WDPCP: variants seen among roughly 807,000 people sequenced by gnomAD.
The protein encoded by WDPCP is WD repeat containing planar cell polarity effector.
A neutral mutation model predicts 93.1 loss-of-function variants in WDPCP; 71 were observed. That is an observed-to-expected ratio of 0.76 (90% confidence interval 0.63 to 0.93). The LOEUF is 0.93. Among genes scored for constraint, WDPCP ranks in the 40% least tolerant of loss-of-function variants. WDPCP has a pLI of 0.00. For synonymous variants in WDPCP, 315 were observed against 315.0 expected (o/e 1.00, Z 0.00); for missense variants, 844 against 887.4 (o/e 0.95, Z 0.62).
chr2:63,212,836 A>C (rs947835685), intron 14 of WDPCP, among the ~76,000 whole-genome samples: 9 of 152,184 alleles, frequency 5.9e-5, no homozygotes, highest in Non-Finnish European at 1.2e-4. Context: ...GTCTCTGATA[A>C]AACAGACTTT....
At chr2:63,637,765 T>TA (rs1269152796) in intron 3 of WDPCP, among the ~76,000 whole-genome samples, 1 of 152,086 alleles carries the variant, frequency 6.6e-6, no homozygotes, top group Admixed American at 6.6e-5. Flanking sequence ...ATGTCTCTAA[T>TA]AAAAAATATC....
chr2:63,511,821 T>C (rs1702253858), intron 1 of WDPCP, among the ~76,000 whole-genome samples: 1 of 152,156 alleles, frequency 6.6e-6, no homozygotes, highest in Admixed American at 6.5e-5. Flanking sequence ...GCAATACCAT[T>C]CAGGACATAG....
At chr2:63,122,183 C>T in intron 17 of WDPCP, 127 bp from the exon 18 acceptor site, 1 of 742,714 alleles carries the variant, frequency 1.3e-6, no homozygotes, top group Non-Finnish European at 2.2e-6. Context: ...AAATGTACTG[C>T]ACATAGATAC....
intron 13 of WDPCP, among the ~76,000 whole-genome samples, chr2:63,267,840 G>C (rs1682270841): frequency 6.6e-6 from 1 of 152,148 alleles, no homozygotes; most frequent in South Asian, 2.1e-4. Context: ...TGTTGGTGAG[G>C]ATATGAGGAG....
intron 14 of WDPCP, among the ~76,000 whole-genome samples, chr2:63,231,589 A>G (rs1303746638): frequency 6.6e-6 from 1 of 152,144 alleles, no homozygotes; most frequent in Non-Finnish European, 1.5e-5. Context: ...AATTGCTTCA[A>G]AGAGAATAAA....
the WDPCP span, among the ~76,000 whole-genome samples, chr2:63,833,705 T>C: frequency 6.6e-6 from 1 of 152,224 alleles, no homozygotes; most frequent in Non-Finnish European, 1.5e-5. Context: ...TGTTATCACT[T>C]GGGTTCACTG....
chr2:63,487,350 A>G (rs913728171), intron 3 of WDPCP, 97 bp downstream of exon 3: 4 of 868,614 alleles, frequency 4.6e-6, no homozygotes, highest in Non-Finnish European at 7.2e-6. Flanking sequence ...TCTAGAATTT[A>G]TCTAAAGCTC....
intron 15 of WDPCP, among the ~76,000 whole-genome samples, chr2:63,162,047 GGC>G (rs1193739165): frequency 6.6e-6 from 1 of 152,142 alleles, no homozygotes; most frequent in Non-Finnish European, 1.5e-5. Context: ...TGGGATTACT[GGC>G]GTGAGCTACT....
chr2:63,559,033 A>G (rs1575647176), intron 1 of WDPCP, among the ~76,000 whole-genome samples: 2 of 152,330 alleles, frequency 1.3e-5, no homozygotes, highest in East Asian at 1.9e-4. Context: ...AAAATCCTCA[A>G]TAAAATACTG....
chr2:63,588,354 G>C lies in WDPCP; in HGVS notation c.-83C>G. ...AGCGACACGCTCGCTTGGTCTCTTG[G>C]GTCTCCAGGACGCCGCCGCCGCCGC... On this transcript the variant is annotated 5_prime_UTR_variant, in exon 1 of 18. Transcript: ENST00000272321. 6.7e-7 allele frequency: 1 copy of C among 1,501,984 alleles called. No homozygotes were observed. Among genetic ancestry groups the C allele is most frequent in the Non-Finnish European group, 9.1e-7 (1 of 1,102,442 alleles). The allele number at this position is 1,501,984 out of a possible 1,614,324, so 93.0% of individuals were successfully genotyped here.
intron 14 of WDPCP, among the ~76,000 whole-genome samples, chr2:63,190,997 C>T (rs567234415): frequency 2.1e-4 from 32 of 152,318 alleles, no homozygotes; most frequent in Admixed American, 4.6e-4. Flanking sequence ...CTTCCTAGAA[C>T]ACAGATTTTA....
intron 3 of WDPCP, among the ~76,000 whole-genome samples, chr2:63,603,207 C>T (rs911163115): frequency 7.2e-5 from 11 of 152,112 alleles, no homozygotes; most frequent in African/African-American, 2.4e-4. Context: ...CCTCCCACCT[C>T]GGCCTCCCAA....
chr2:63,142,201 C>A (rs1671111449), intron 17 of WDPCP, among the ~76,000 whole-genome samples: 1 of 152,016 alleles, frequency 6.6e-6, no homozygotes, highest in Non-Finnish European at 1.5e-5. Flanking sequence ...GTTCTTGTTT[C>A]TGTAGTTCCT....
At chr2:63,178,592 C>T (rs998934156) in intron 14 of WDPCP, among the ~76,000 whole-genome samples, 1 of 151,770 alleles carries the variant, frequency 6.6e-6, no homozygotes, top group African/African-American at 2.4e-5. Flanking sequence ...TGAGTCTTCT[C>T]TCTTTTTTTT....
intron 1 of WDPCP, among the ~76,000 whole-genome samples, chr2:63,559,467 G>T (rs1392016576): frequency 6.6e-6 from 1 of 152,180 alleles, no homozygotes; most frequent in African/African-American, 2.4e-5. Flanking sequence ...CAAATAGGAA[G>T]AGAGGAAGTC....
intron 2 of WDPCP, among the ~76,000 whole-genome samples, chr2:63,685,078 C>T (rs1668787035): frequency 6.6e-6 from 1 of 151,724 alleles, no homozygotes. Flanking sequence ...AAGAGCAAAC[C>T]AAACTCAAAA....
intron 6 of WDPCP, among the ~76,000 whole-genome samples, chr2:63,481,949 C>A (rs1479158383): frequency 1.3e-5 from 2 of 150,858 alleles, no homozygotes; most frequent in African/African-American, 4.9e-5. Flanking sequence ...AGTAAACATC[C>A]TGAAAAATAA....
chr2:63,486,408 T>C lies in WDPCP; in HGVS notation c.253+134A>G, dbSNP rs1247461359. On this transcript the variant is annotated intron_variant, in intron 4 of 17. Transcript: ENST00000272321. ...CTGACAAATACAATTGTTACTTATA[T>C]GTTTATATTCCTAAGTAATAGGAAT... is the stretch of plus-strand genomic sequence containing the variant. The C allele has an allele frequency of 1.1e-5, 8 of 698,010 alleles. No homozygotes were observed. The South Asian group carries it at 1.3e-4, about 11-fold the overall frequency. 43.2% of individuals were successfully genotyped at this position (698,010 alleles called of 1,614,324 possible). A position where few individuals can be genotyped will look rare whatever the true frequency, so the allele number is the denominator to read the frequency against.
intron 1 of WDPCP, among the ~76,000 whole-genome samples, chr2:63,494,314 C>T (rs541961054): frequency 2.4e-5 from 3 of 124,240 alleles, no homozygotes; most frequent in African/African-American, 9.4e-5. Context: ...ATGATGATGA[C>T]GATGATGATG....
Sources: allele counts gnomAD v4.1 joint callset (sites outside exome capture counted in the v4.1 genomes callset), GRCh38; gene constraint gnomAD v4.1.1; transcripts MANE v1.5; gene names NCBI Gene and HGNC (gene_info 2026-07-23, HGNC 2026-07-21).